The following RYR2 variants were observed in gnomAD, a reference collection of about 807,000 sequenced individuals.
RYR2 encodes cardiac muscle ryanodine receptor-calcium release channel.
Under a neutral mutation model 601.1 loss-of-function variants are expected in RYR2, and 227 were observed. That is an observed-to-expected ratio of 0.38 (90% CI 0.34 to 0.42). The LOEUF is 0.42. Ranked by LOEUF, RYR2 falls within the 10% of genes least tolerant of loss-of-function variation. RYR2 has a pLI of 1.00. For missense variants in RYR2, 4,646 were observed against 6,156.5 expected (o/e 0.75, Z 8.21); for synonymous variants, 2,223 against 2,175.1 (o/e 1.02, Z -0.61).
chr1:237,586,099 A>G (rs1169226040), intron 29 of RYR2, among the ~76,000 whole-genome samples: 2 of 152,184 alleles, frequency 1.3e-5, no homozygotes, highest in East Asian at 3.9e-4. Context: ...CATTTTAAAC[A>G]TACTTTTTTG....
intron 89 of RYR2, among the ~76,000 whole-genome samples, chr1:237,782,636 G>A (rs577020488): frequency 8.5e-5 from 13 of 152,168 alleles, no homozygotes; most frequent in Middle Eastern, 3.4e-3. Context: ...GCCCCGATTC[G>A]AATTTTGGGT....
chr1:237,584,509 T>C (rs763650739), intron 29 of RYR2, among the ~76,000 whole-genome samples: 6 of 152,170 alleles, frequency 3.9e-5, no homozygotes, highest in Non-Finnish European at 7.3e-5. Flanking sequence ...ATTCCCAGTG[T>C]GTAGAACAGT....
chr1:237,525,643 G>A (rs575699776), intron 24 of RYR2, among the ~76,000 whole-genome samples: 1 of 151,978 alleles, frequency 6.6e-6, no homozygotes, highest in Non-Finnish European at 1.5e-5. Flanking sequence ...TAGAGACGGG[G>A]TTTCACCATG....
chr1:237,652,967 C>A (rs1387594698), intron 51 of RYR2, among the ~76,000 whole-genome samples: 1 of 152,018 alleles, frequency 6.6e-6, no homozygotes, highest in East Asian at 1.9e-4. Flanking sequence ...AACAGTAATT[C>A]TTATAATTTA....
chr1:237,650,317 G>A (rs934789630), intron 50 of RYR2, among the ~76,000 whole-genome samples: 2 of 152,134 alleles, frequency 1.3e-5, no homozygotes, highest in Admixed American at 1.3e-4. Context: ...GTATCCAGCT[G>A]TTGGATATAG....
chr1:237,641,241 C>T lies in RYR2; in HGVS notation c.7221+239C>T, dbSNP rs142018955. Among the ~76,000 whole-genome samples, 73 of 152,232 alleles carry T rather than the reference C, an allele frequency of 4.8e-4. 1 individual carries two copies. In the East Asian group the frequency reaches 0.011, roughly 22 times the overall value. On this transcript the variant is annotated intron_variant, in intron 47 of 104. Coordinates refer to ENST00000366574, the MANE Select transcript of RYR2 (RefSeq NM_001035.3). ...TAGAGTACTTAAGTTACTCATATAT[C>T]TCTGAAACTCATACAGCCTCCCACA...
chr1:237,444,135 T>C (rs1243857016), intron 13 of RYR2, among the ~76,000 whole-genome samples: 1 of 152,182 alleles, frequency 6.6e-6, no homozygotes, highest in Non-Finnish European at 1.5e-5. Context: ...TTCTGTTTTA[T>C]CTTTAGCCTG....
rs192404970 is a variant in RYR2 at position 237,230,910 on chromosome 1, T to C, written c.49-39587T>C. 6.4e-3 allele frequency among the ~76,000 whole-genome samples: 800 copies of C among 125,560 alleles called. 5 individuals carry two copies. The highest frequency in any genetic ancestry group is 0.023 in the African/African-American group (765 of 32,810). The allele number at this position is 125,560 out of a possible 152,430, so 82.4% of individuals were successfully genotyped here. A position where few individuals can be genotyped will look rare whatever the true frequency, so the allele number is the denominator to read the frequency against. On this transcript the variant is annotated intron_variant, in intron 1 of 104. Coordinates refer to ENST00000366574, the MANE Select transcript of RYR2 (RefSeq NM_001035.3). ...TGCCACTGCATTCCAGCCTGGGTGA[T>C]AGAGAGAGACTCGTCTCAAAAAAAA...
At chr1:237,651,907 G>C (rs1484256258) in intron 51 of RYR2, among the ~76,000 whole-genome samples, 1 of 152,094 alleles carries the variant, frequency 6.6e-6, no homozygotes. Flanking sequence ...CGTGGTGGTG[G>C]GTGCCTGTAG....
At chr1:237,287,223 T>G (rs1691665840) in intron 2 of RYR2, among the ~76,000 whole-genome samples, 1 of 152,240 alleles carries the variant, frequency 6.6e-6, no homozygotes, top group Admixed American at 6.5e-5. Flanking sequence ...CTGGTGCTTC[T>G]GTCTCACAGC....
chr1:237,359,417 G>A (rs1025805287), intron 4 of RYR2, among the ~76,000 whole-genome samples: 14 of 152,196 alleles, frequency 9.2e-5, no homozygotes, highest in African/African-American at 2.9e-4. Context: ...AATCCCCTTC[G>A]GAGACTGGTC....
chr1:237,333,379 T>G (rs1307061658), intron 3 of RYR2, among the ~76,000 whole-genome samples: 2 of 152,222 alleles, frequency 1.3e-5, no homozygotes, highest in African/African-American at 4.8e-5. Flanking sequence ...ATTCCTAGCT[T>G]GCCACAGGTG....
chr1:237,065,984 C>T (rs1425964451), intron 1 of RYR2, among the ~76,000 whole-genome samples: 3 of 152,178 alleles, frequency 2.0e-5, no homozygotes, highest in African/African-American at 7.2e-5. Context: ...GAAATCCCCA[C>T]CCATGCTCCA....
intron 10 of RYR2, among the ~76,000 whole-genome samples, chr1:237,411,872 A>G (rs1558774065): frequency 1.3e-5 from 2 of 152,202 alleles, no homozygotes; most frequent in Non-Finnish European, 2.9e-5. Context: ...AGCACTCACA[A>G]TGAAAGGAAG....
chr1:237,759,554 G>C (rs1258800174), intron 82 of RYR2, among the ~76,000 whole-genome samples: 2 of 152,198 alleles, frequency 1.3e-5, no homozygotes, highest in East Asian at 1.9e-4. Flanking sequence ...TTTGGTGCTT[G>C]TGGTGATGTG....
chr1:237,176,407 A>ATT (rs908370470), intron 1 of RYR2, among the ~76,000 whole-genome samples: 2 of 151,240 alleles, frequency 1.3e-5, no homozygotes, highest in African/African-American at 2.4e-5. Context: ...GCACTTCCTA[A>ATT]TTTACTTTAA....
intron 64 of RYR2, among the ~76,000 whole-genome samples, chr1:237,699,471 G>C (rs549090147): frequency 1.9e-3 from 295 of 152,282 alleles, no homozygotes; most frequent in Non-Finnish European, 3.6e-3. Context: ...TCCCATCTGT[G>C]TGCTTTCTAC....
chr1:237,766,189 A>G lies in RYR2; in HGVS notation c.11477-4618A>G, dbSNP rs906170367. 4.6e-5 allele frequency among the ~76,000 whole-genome samples: 7 copies of G among 151,692 alleles called. No homozygotes were observed. In the South Asian group the frequency reaches 1.3e-3, roughly 27 times the overall value. On this transcript the variant is annotated intron_variant, in intron 84 of 104. Transcript: ENST00000366574. ...CACGAAGGACCTTCTCTGCCCTGCC[A>G]AGGAATCTACACTTTATCTGAGGCC...
intron 2 of RYR2, among the ~76,000 whole-genome samples, chr1:237,309,702 C>CGGGCGCGCG (rs1558598363): frequency 6.6e-6 from 1 of 152,154 alleles, no homozygotes; most frequent in Non-Finnish European, 1.5e-5. Flanking sequence ...CGGGGAGGCT[C>CGGGCGCGCG]GGACACGCAG....
Sources: gnomAD v4.1 joint callset for allele counts (sites outside exome capture counted in the v4.1 genomes callset) on GRCh38, gnomAD v4.1.1 for gene constraint, MANE v1.5 for transcripts, NCBI Gene and HGNC (gene_info 2026-07-23, HGNC 2026-07-21) for gene names.